Variants in RGS6 observed in about 807,000 individuals in gnomAD.
RGS6 encodes regulator of G protein signaling 6.
A neutral mutation model predicts 78.5 loss-of-function variants in RGS6; 30 were observed. The observed-to-expected ratio is 0.38, with a 90% CI of 0.29 to 0.52. RGS6 has a LOEUF of 0.52. RGS6 is among the 20% of genes least tolerant of loss of function. The pLI is 0.85. For synonymous variants in RGS6, 206 were observed against 206.0 expected, an observed-to-expected ratio of 1.00 and a Z score of 0.00; for missense variants, 495 against 609.7, an observed-to-expected ratio of 0.81 and a Z score of 1.98.
chr14:71,933,795 G>C (rs976945758), intron 1 of RGS6, among the ~76,000 whole-genome samples: 1 of 152,082 alleles, frequency 6.6e-6, no homozygotes, highest in South Asian at 2.1e-4. Flanking sequence ...CAACCCCAAA[G>C]AAAAACGCAA....
chr14:72,393,041 G>A (rs753317486), intron 3 of RGS6, among the ~76,000 whole-genome samples: 4 of 152,206 alleles, frequency 2.6e-5, no homozygotes, highest in Non-Finnish European at 4.4e-5. Flanking sequence ...GGCTTCTGAA[G>A]ATTATGTTGA....
At chr14:72,524,378 T>C (rs1314018837) in intron 15 of RGS6, among the ~76,000 whole-genome samples, 2 of 152,192 alleles carry the variant, frequency 1.3e-5, no homozygotes, top group African/African-American at 2.4e-5. Context: ...CCCTGGGGCA[T>C]GTCATATAAA....
the RGS6 span, among the ~76,000 whole-genome samples, chr14:72,596,570 G>A: frequency 6.6e-6 from 1 of 152,022 alleles, no homozygotes; most frequent in Non-Finnish European, 1.5e-5. Context: ...TTTCAGTCGA[G>A]CAAAAAAAGT....
At chr14:72,490,228 A>C (rs1056272234) in intron 12 of RGS6, among the ~76,000 whole-genome samples, 1 of 152,176 alleles carries the variant, frequency 6.6e-6, no homozygotes, top group South Asian at 2.1e-4. Context: ...ATGGCTTTAA[A>C]AATGGGAGTT....
At chr14:72,231,763 C>T (rs57280478) in intron 2 of RGS6, among the ~76,000 whole-genome samples, 1,566 of 151,958 alleles carry the variant, frequency 0.01, 24 homozygotes, top group African/African-American at 0.036. Flanking sequence ...TAGGGAAGAG[C>T]GTGTTCGAGA....
At chr14:72,459,594 G>A (rs925484090) in intron 5 of RGS6, 38 bp from the exon 6 acceptor site, 1 of 1,610,328 alleles carries the variant, frequency 6.2e-7, no homozygotes, top group Non-Finnish European at 8.5e-7. Flanking sequence ...CGCAGGCATG[G>A]CGCGCCCCTG....
At chr14:71,955,397 A>G (rs2092704933) in intron 1 of RGS6, among the ~76,000 whole-genome samples, 1 of 152,226 alleles carries the variant, frequency 6.6e-6, no homozygotes, top group South Asian at 2.1e-4. Context: ...CACGCAAGAA[A>G]TAATTCGGGG....
intron 2 of RGS6, among the ~76,000 whole-genome samples, chr14:72,239,597 C>A (rs920685051): frequency 6.6e-6 from 1 of 152,138 alleles, no homozygotes; most frequent in Non-Finnish European, 1.5e-5. Flanking sequence ...CAGTGAGCAC[C>A]TCTCTTGACA....
rs116640608 is a variant in RGS6, at chr14:72,263,262, C to T, written c.85-88833C>T. Among the ~76,000 whole-genome samples, 631 of 152,320 alleles carry T rather than the reference C, an allele frequency of 4.1e-3. 4 individuals are homozygous for T. The highest frequency in any genetic ancestry group is 0.014 in the African/African-American group (602 of 41,564). ...CCAGAGAAGGTCCAAATTAGTTCAT[C>T]TTTATATGTGTAAGAGATTCTATCT... On this transcript the variant is annotated intron_variant, in intron 2 of 17. Transcript: ENST00000553525.
At chr14:71,948,087 A>T (rs17093750) in intron 1 of RGS6, among the ~76,000 whole-genome samples, 20,452 of 152,206 alleles carry the variant, frequency 0.13, 1,691 homozygotes, top group Admixed American at 0.2. Context: ...GGATCCAGGG[A>T]CTTAGATGAT....
At chr14:72,273,978 G>T (rs1448953274) in intron 2 of RGS6, among the ~76,000 whole-genome samples, 1 of 152,132 alleles carries the variant, frequency 6.6e-6, no homozygotes, top group Non-Finnish European at 1.5e-5. Flanking sequence ...AGAACCATTT[G>T]TTTCTGCTCA....
At chr14:71,911,240 A>C in the RGS6 span, among the ~76,000 whole-genome samples, 2 of 152,242 alleles carry the variant, frequency 1.3e-5, no homozygotes, top group East Asian at 3.9e-4. Flanking sequence ...ACAATGGCTT[A>C]ATTCCTACGG....
intron 3 of RGS6, among the ~76,000 whole-genome samples, chr14:72,368,411 T>C (rs1371604416): frequency 6.6e-6 from 1 of 152,184 alleles, no homozygotes; most frequent in African/African-American, 2.4e-5. Flanking sequence ...ATATTGTTAC[T>C]GTGGTAATTA....
chr14:72,329,513 T>C (rs2074526399), intron 2 of RGS6, among the ~76,000 whole-genome samples: 1 of 152,288 alleles, frequency 6.6e-6, no homozygotes, highest in Non-Finnish European at 1.5e-5. Context: ...AGGTGGGCAC[T>C]GTCCTGAGTA....
At chr14:72,283,496 A>G (rs934252569) in intron 2 of RGS6, among the ~76,000 whole-genome samples, 3 of 152,136 alleles carry the variant, frequency 2.0e-5, no homozygotes, top group African/African-American at 7.2e-5. Context: ...AATAAATATC[A>G]TGAGATCTGA....
intron 3 of RGS6, among the ~76,000 whole-genome samples, chr14:72,417,481 T>C (rs2093899448): frequency 1.3e-5 from 2 of 151,548 alleles, no homozygotes; most frequent in Admixed American, 6.6e-5. Context: ...TTGGGCCGTC[T>C]TTTTTTTTCC....
At chr14:72,396,467 G>C (rs889152120) in intron 3 of RGS6, among the ~76,000 whole-genome samples, 1 of 152,090 alleles carries the variant, frequency 6.6e-6, no homozygotes, top group Non-Finnish European at 1.5e-5. Flanking sequence ...TGAGTAGGTT[G>C]CAAAAATTTT....
chr14:72,525,945 C>A (rs2097111390), intron 15 of RGS6, among the ~76,000 whole-genome samples: 1 of 152,132 alleles, frequency 6.6e-6, no homozygotes, highest in East Asian at 1.9e-4. Context: ...CATTTGTGAT[C>A]CAGTTCTGTT....
chr14:72,530,987 A>AG (rs2097175481), intron 15 of RGS6, among the ~76,000 whole-genome samples: 1 of 57,160 alleles, frequency 1.7e-5, no homozygotes. Context: ...ATGCATCTGT[A>AG]AAAATAAACA....
Sources: gnomAD v4.1 joint callset for allele counts (sites outside exome capture counted in the v4.1 genomes callset) on GRCh38, gnomAD v4.1.1 for gene constraint, MANE v1.5 for transcripts, NCBI Gene and HGNC (gene_info 2026-07-23, HGNC 2026-07-21) for gene names.